The following UTS2B variants were observed in gnomAD, a reference collection of about 807,000 sequenced individuals.
UTS2B encodes the protein urotensin-2B.
Under a neutral mutation model 19.2 loss-of-function variants are expected in UTS2B, and 21 were observed. The ratio of observed to expected loss-of-function variants is 1.09; its 90% CI spans 0.78 to 1.58. The LOEUF (loss-of-function observed/expected upper bound fraction) is 1.58, where lower values mean the gene tolerates loss of function less well. Among genes scored for constraint, UTS2B ranks in the 40% most tolerant of loss-of-function variants. The pLI is 0.00. For missense variants in UTS2B, 138 were observed against 130.3 expected (o/e 1.06, Z -0.29); for synonymous variants, 57 against 50.2 (o/e 1.14, Z -0.58).
Position 191,278,183 on chromosome 3 carries a change from A to C in UTS2B, c.104-13T>G, listed in dbSNP as rs1716290745. The stretch of plus-strand genomic sequence containing the variant: ...AATATTTCATTTCCTATAATGATCA[A>C]AAACCACCATTTTCAATTTGAGTCA... On this transcript the variant is annotated splice_polypyrimidine_tract_variant and intron_variant, in intron 5 of 8. Transcript: ENST00000340524. The C allele has an allele frequency of 4.3e-6, 6 of 1,397,620 alleles. No homozygotes were observed. The South Asian group carries it at 6.7e-5, about 16-fold the overall frequency. The allele number at this position is 1,397,620 out of a possible 1,614,324, so 86.6% of individuals were successfully genotyped here.
intron 4 of UTS2B, among the ~76,000 whole-genome samples, chr3:191,284,255 G>C (rs1716471574): frequency 6.6e-6 from 1 of 152,074 alleles, no homozygotes; most frequent in Admixed American, 6.5e-5. Context: ...TGGGTAAGAA[G>C]TTTTCCTGAA....
intron 4 of UTS2B, among the ~76,000 whole-genome samples, chr3:191,299,776 C>T (rs558269040): frequency 6.6e-6 from 1 of 152,344 alleles, no homozygotes; most frequent in Admixed American, 6.5e-5. Flanking sequence ...ACACCAACAA[C>T]TTGTGCCCTG....
upstream of UTS2B, among the ~76,000 whole-genome samples, chr3:191,333,115 T>TGCATGTGTGTGC (rs1472041446): frequency 5.3e-4 from 80 of 152,222 alleles, 1 homozygote; most frequent in Non-Finnish European, 9.4e-4. Context: ...TCTGTGTGTG[T>TGCATGTGTGTGC]TGGTGTGCAT....
chr3:191,310,097 G>A (rs543876206), intron 3 of UTS2B, among the ~76,000 whole-genome samples: 131 of 151,958 alleles, frequency 8.6e-4, no homozygotes, highest in Non-Finnish European at 1.5e-3. Context: ...CCAGTAGCTG[G>A]GACTACAGGT....
intron 4 of UTS2B, among the ~76,000 whole-genome samples, chr3:191,287,476 G>A (rs529956141): frequency 3.3e-5 from 5 of 152,068 alleles, no homozygotes; most frequent in African/African-American, 4.8e-5. Flanking sequence ...GTGATCCACC[G>A]AATTAATCGA....
intron 4 of UTS2B, among the ~76,000 whole-genome samples, chr3:191,284,443 T>C (rs1355275621): frequency 2.0e-5 from 3 of 151,886 alleles, no homozygotes; most frequent in Non-Finnish European, 2.9e-5. Flanking sequence ...TGCCTCAGCC[T>C]CTTGAGTAGC....
chr3:191,299,297 G>C (rs1716932920), intron 4 of UTS2B, among the ~76,000 whole-genome samples: 1 of 152,240 alleles, frequency 6.6e-6, no homozygotes, highest in Non-Finnish European at 1.5e-5. Flanking sequence ...GAGACCTTTA[G>C]GGGCAGTCCC....
intron 7 of UTS2B, 124 bp downstream of exon 7, chr3:191,276,683 G>T: frequency 1.3e-6 from 1 of 794,294 alleles, no homozygotes; most frequent in Non-Finnish European, 1.9e-6. Context: ...TTCACGCTTT[G>T]TTTAGCAGGA....
chr3:191,329,688 G>T, intron 1 of UTS2B: 1 of 1,610,436 alleles, frequency 6.2e-7, no homozygotes. Flanking sequence ...GCTGAAGTCA[G>T]CATCGACCAG....
At chr3:191,294,186 T>G (rs1161755538) in intron 4 of UTS2B, among the ~76,000 whole-genome samples, 1 of 151,870 alleles carries the variant, frequency 6.6e-6, no homozygotes, top group Non-Finnish European at 1.5e-5. Context: ...GGATTTCAAG[T>G]CAAGGATTAG....
At chr3:191,293,358 A>G (rs963197103) in intron 4 of UTS2B, among the ~76,000 whole-genome samples, 17 of 152,222 alleles carry the variant, frequency 1.1e-4, no homozygotes, top group African/African-American at 1.7e-4. Flanking sequence ...GTAGAATTCA[A>G]TAGTGAATTC....
At chr3:191,317,011 T>G (rs893543977) in intron 2 of UTS2B, among the ~76,000 whole-genome samples, 1 of 152,242 alleles carries the variant, frequency 6.6e-6, no homozygotes, top group Non-Finnish European at 1.5e-5. Flanking sequence ...ACTGCGTGCC[T>G]GCACTCCTCA....
chr3:191,336,487 T>G, the UTS2B span, among the ~76,000 whole-genome samples: 1 of 152,222 alleles, frequency 6.6e-6, no homozygotes, highest in Non-Finnish European at 1.5e-5. Flanking sequence ...AGTGTTTGCT[T>G]TAAATTTTAG....
chr3:191,330,326 C>CACACACACAG lies in UTS2B; in HGVS notation c.-665+87_-665+88insCTGTGTGTGT, dbSNP rs550009593. 3.3e-3 allele frequency: 486 copies of CACACACACAG among 147,776 alleles called. 1 individual carries two copies. The highest frequency in any genetic ancestry group is 0.016 in the East Asian group (78 of 4,970). The allele number at this position is 147,776 out of a possible 1,614,324, so 9.2% of individuals were successfully genotyped here. ...ACACACACACACACACACACACACA[C>CACACACACAG]ACAATAGTGAGCGAGGGGAACAGGG... On this transcript the variant is annotated intron_variant, in intron 1 of 8. Transcript: ENST00000340524.
At chr3:191,278,044 A>AT (rs763599541) in intron 6 of UTS2B, 28 bp downstream of exon 6, 1 of 1,189,128 alleles carries the variant, frequency 8.4e-7, no homozygotes, top group East Asian at 2.6e-5. Flanking sequence ...TTTTTAATAA[A>AT]TAGAGCTTGA....
At chr3:191,287,722 T>G (rs1037457635) in intron 4 of UTS2B, among the ~76,000 whole-genome samples, 1 of 151,868 alleles carries the variant, frequency 6.6e-6, no homozygotes, top group South Asian at 2.1e-4. Context: ...CTCTCACCAT[T>G]ACTACGCAAC....
At chr3:191,305,010 C>T (rs1717099685) in intron 3 of UTS2B, among the ~76,000 whole-genome samples, 1 of 152,142 alleles carries the variant, frequency 6.6e-6, no homozygotes, top group African/African-American at 2.4e-5. Flanking sequence ...TGATCTTGTT[C>T]TTTTTCATGG....
In UTS2B at chr3:191,267,667, A is replaced by G. The variant is rs1576909482; in HGVS notation, c.*749T>C. The G allele has an allele frequency of 1.3e-5, 2 of 152,298 alleles. No individual in the cohort carries two copies. The highest frequency in any genetic ancestry group is 1.3e-4 in the Admixed American group (2 of 15,288). 9.4% of individuals were successfully genotyped at this position (152,298 alleles called of 1,614,324 possible). On this transcript the variant is annotated 3_prime_UTR_variant, in exon 9 of 9. Transcript: ENST00000340524. ...AGTTTAGCAAGGGCAGGGGTAGGTT[A>G]ATGAGGGATTTAGGGTCATTTGATT...
chr3:191,277,889 T>G (rs1370963282), intron 6 of UTS2B, among the ~76,000 whole-genome samples, 183 bp downstream of exon 6: 1 of 151,858 alleles, frequency 6.6e-6, no homozygotes, highest in Non-Finnish European at 1.5e-5. Flanking sequence ...CTATTAATAT[T>G]TGTTAATAAC....
Sources: gnomAD v4.1 joint callset for allele counts (sites outside exome capture counted in the v4.1 genomes callset) on GRCh38, gnomAD v4.1.1 for gene constraint, MANE v1.5 for transcripts, NCBI Gene and HGNC (gene_info 2026-07-23, HGNC 2026-07-21) for gene names.